Variants in VWA3A observed in about 807,000 individuals in gnomAD.
VWA3A encodes the protein von Willebrand factor A domain containing 3A.
In VWA3A, 134 loss-of-function variants were observed where a neutral mutation model predicts 160.4. The observed-to-expected ratio is 0.84, with a 90% CI of 0.73 to 0.96. VWA3A has a LOEUF of 0.96. Among genes scored for constraint, VWA3A ranks in the 40% least tolerant of loss-of-function variants. The pLI is 0.00. For synonymous variants in VWA3A, 476 were observed against 543.4 expected, an observed-to-expected ratio of 0.88 and a Z score of 1.72; for missense variants, 1,310 against 1,447.9, an observed-to-expected ratio of 0.90 and a Z score of 1.55.
At chr16:22,139,408 T>A (rs1227811921) in intron 22 of VWA3A, among the ~76,000 whole-genome samples, 1 of 152,066 alleles carries the variant, frequency 6.6e-6, no homozygotes, top group Non-Finnish European at 1.5e-5. Context: ...AAAACTGAGG[T>A]GTCTGGGCCA....
At chr16:22,152,152 A>G (rs760796443) in intron 30 of VWA3A, among the ~76,000 whole-genome samples, 46 of 152,196 alleles carry the variant, frequency 3.0e-4, no homozygotes, top group Middle Eastern at 6.3e-3. Flanking sequence ...CTGAGGTTGC[A>G]GTGAGCCAAG....
At chr16:22,122,316 G>C (rs1172259030) in intron 14 of VWA3A, among the ~76,000 whole-genome samples, 1 of 151,106 alleles carries the variant, frequency 6.6e-6, no homozygotes, top group African/African-American at 2.5e-5. Flanking sequence ...TGGATGCATG[G>C]ATGGATGGAT....
intron 21 of VWA3A, among the ~76,000 whole-genome samples, chr16:22,137,605 A>G (rs2046068877): frequency 6.6e-6 from 1 of 152,220 alleles, no homozygotes; most frequent in Non-Finnish European, 1.5e-5. Flanking sequence ...GTTTAATTAT[A>G]GGACTGCCAA....
intron 8 of VWA3A, among the ~76,000 whole-genome samples, chr16:22,114,037 A>AAAGAAAGC (rs1222305707): frequency 6.6e-6 from 1 of 152,150 alleles, no homozygotes; most frequent in Non-Finnish European, 1.5e-5. Flanking sequence ...GAAAAAAAAA[A>AAAGAAAGC]AAGAAAGCAG....
At chr16:22,155,187 T>C (rs1235006965) in intron 31 of VWA3A, among the ~76,000 whole-genome samples, 1 of 151,900 alleles carries the variant, frequency 6.6e-6, no homozygotes, top group African/African-American at 2.4e-5. Context: ...TACCTGTAAG[T>C]CTACTTCACT....
intron 13 of VWA3A, 146 bp from the exon 14 acceptor site, chr16:22,121,368 C>T: frequency 1.3e-6 from 1 of 785,940 alleles, no homozygotes; most frequent in Non-Finnish European, 2.1e-6. Flanking sequence ...ACCTTGAGCC[C>T]AGGAGTTTGA....
intron 3 of VWA3A, among the ~76,000 whole-genome samples, chr16:22,098,606 T>G (rs1228281670): frequency 6.6e-6 from 1 of 152,166 alleles, no homozygotes; most frequent in Non-Finnish European, 1.5e-5. Flanking sequence ...AACACGAAGA[T>G]CTTACCATTC....
chr16:22,152,294 ACTC>A (rs1226212431), intron 30 of VWA3A, among the ~76,000 whole-genome samples: 2 of 151,466 alleles, frequency 1.3e-5, no homozygotes, highest in African/African-American at 4.9e-5. Context: ...TCACACGGGG[ACTC>A]CTCTTCCCTC....
At position 22,155,871 on chromosome 16, in the gene VWA3A, A is replaced by C; in HGVS notation, c.3524A>C (p.Asn1175Thr). ...QSFRSQLQKK[N>T]DAEPKVTLS The stretch of plus-strand genomic sequence containing the variant: ...ACCAGATCCCAACTCCAGAAGAAAA[A>C]TGATGCAGAACCAAAGGTCACTCTT... Residue 1175 changes from asparagine (N) to threonine (T), a missense_variant, in exon 33 of 34, where the codon AAT (asparagine) becomes ACT (threonine). Transcript: ENST00000389398. 6.2e-7 allele frequency: 1 copy of C among 1,614,004 alleles called. No individual in the cohort carries two copies.
chr16:22,117,304 T>C lies in VWA3A; in HGVS notation c.990+128T>C, dbSNP rs1324719717. 6.0e-6 allele frequency: 6 copies of C among 997,520 alleles called. No homozygotes were observed. In the East Asian group the frequency reaches 1.6e-4, roughly 26 times the overall value. The allele number at this position is 997,520 out of a possible 1,614,324, so 61.8% of individuals were successfully genotyped here. Reference sequence around the variant, plus strand: ...CTCCTTTTCTCCTTGTCCCCACCTGTATTCAATGAGGTTACACAGGTAAAA... The same window carrying C: ...CTCCTTTTCTCCTTGTCCCCACCTGCATTCAATGAGGTTACACAGGTAAAA... On this transcript the variant is annotated intron_variant, in intron 11 of 33. Coordinates refer to ENST00000389398, the MANE Select transcript of VWA3A (RefSeq NM_173615.5).
intron 12 of VWA3A, 148 bp downstream of exon 12, chr16:22,119,175 C>T (rs2045693762): frequency 2.0e-6 from 2 of 1,022,244 alleles, no homozygotes; most frequent in South Asian, 1.8e-5. Flanking sequence ...CCCTCCATTG[C>T]ACCCCAGAGC....
chr16:22,150,941 A>G (rs1165813431), intron 30 of VWA3A, 95 bp downstream of exon 30: 4 of 1,410,826 alleles, frequency 2.8e-6, no homozygotes, highest in Non-Finnish European at 3.8e-6. Flanking sequence ...CTAGCTGCTC[A>G]CTTAGACACG....
chr16:22,141,490 T>C, intron 23 of VWA3A, 92 bp from the exon 24 acceptor site: 3 of 1,175,096 alleles, frequency 2.6e-6, no homozygotes, highest in South Asian at 1.4e-5. Context: ...GGGTGGAGTA[T>C]AGCTGAACTT....
rs1485093901 is a variant in VWA3A, at chr16:22,100,284, T to C, written c.316T>C (p.Leu106=). 1.3e-6 allele frequency: 2 copies of C among 1,551,612 alleles called. No homozygotes were observed. Among genetic ancestry groups the C allele is most frequent in the South Asian group, 1.2e-5 (1 of 84,064 alleles). The change falls in exon 4 of 34, where the codon TTG becomes CTG. Residue 106 remains leucine, a synonymous_variant. Coordinates refer to ENST00000389398, the MANE Select transcript of VWA3A (RefSeq NM_173615.5). ...AHSLKCQKLT[L]ADLISQGTEV... The stretch of plus-strand genomic sequence containing the variant: ...CAGTTTAAAATGTCAGAAACTCACC[T>C]TGGCTGACCTGATAAGCCAGGGCAC...
intron 31 of VWA3A, 32 bp downstream of exon 31, chr16:22,152,666 G>A (rs755656253): frequency 2.5e-6 from 4 of 1,582,238 alleles, no homozygotes; most frequent in Admixed American, 1.8e-5. Flanking sequence ...CATGAGGTCT[G>A]TTGAAACGGC....
intron 17 of VWA3A, among the ~76,000 whole-genome samples, chr16:22,129,775 TG>T: frequency 6.6e-6 from 1 of 151,940 alleles, no homozygotes; most frequent in South Asian, 2.1e-4. Context: ...ATTCGAAGGG[TG>T]GGCAGAAGAA....
chr16:22,151,973 C>G (rs189795360), intron 30 of VWA3A, among the ~76,000 whole-genome samples: 2 of 152,226 alleles, frequency 1.3e-5, no homozygotes, highest in African/African-American at 4.8e-5. Context: ...CTTTGGGAGG[C>G]CAAGGCAGGC....
Position 22,148,302 on chromosome 16 carries a change from G to T in VWA3A, c.2980G>T (p.Asp994Tyr). ...LIWEQLRKCC[D>Y]SFNLLSFAES... ...TTGGGAACAGCTGCGGAAGTGCTGT[G>T]ACAGGTAGGAGGCGAGGGCTGATCA... The change falls in exon 28 of 34, where the codon GAC becomes TAC. Residue 994 changes from aspartate (D) to tyrosine (Y), a missense_variant. By Grantham distance (160) the Asp-to-Tyr change is radical (BLOSUM62 -3). Transcript: ENST00000389398. 1 of 1,594,120 alleles carries T rather than the reference G, an allele frequency of 6.3e-7. No homozygotes were observed. Among genetic ancestry groups the T allele is most frequent in the East Asian group, 2.3e-5 (1 of 44,046 alleles).
chr16:22,116,424 AAAGAGAGAGG>A (rs2141894738), intron 9 of VWA3A: 1 of 452,822 alleles, frequency 2.2e-6, no homozygotes, highest in South Asian at 1.7e-5. Flanking sequence ...AGGAAAAAGG[AAAGAGAGAGG>A]AAGAGAGAGA....
Sources: allele counts gnomAD v4.1 joint callset (sites outside exome capture counted in the v4.1 genomes callset), GRCh38; gene constraint gnomAD v4.1.1; transcripts MANE v1.5; gene names NCBI Gene and HGNC (gene_info 2026-07-23, HGNC 2026-07-21).